NECTIN3: variants seen among roughly 807,000 people sequenced by gnomAD.
NECTIN3 encodes nectin cell adhesion molecule 3, also known as nectin-3.
NECTIN3 carries 8 observed loss-of-function variants against 49.4 expected under a neutral mutation model. The observed-to-expected ratio is 0.16, with a 90% CI of 0.10 to 0.29. The LOEUF (loss-of-function observed/expected upper bound fraction) is 0.29, where lower values mean the gene tolerates loss of function less well. NECTIN3 is among the 10% of genes least tolerant of loss of function. The probability of loss-of-function intolerance (pLI) is 1.00; values close to 1 mark genes in which losing one functional copy is unlikely to be tolerated. For synonymous variants in NECTIN3, 277 were observed against 241.1 expected, an observed-to-expected ratio of 1.15 and a Z score of -1.38; for missense variants, 581 against 654.6, an observed-to-expected ratio of 0.89 and a Z score of 1.23.
At chr3:111,153,899 A>G (rs758584178) in intron 7 of NECTIN3, among the ~76,000 whole-genome samples, 3 of 152,114 alleles carry the variant, frequency 2.0e-5, no homozygotes, top group Non-Finnish European at 4.4e-5. Context: ...TTAATAAAAG[A>G]TGAAAAAAAT....
intron 7 of NECTIN3, among the ~76,000 whole-genome samples, chr3:111,184,486 G>C (rs1425162921): frequency 3.3e-5 from 5 of 152,132 alleles, no homozygotes; most frequent in Non-Finnish European, 7.4e-5. Flanking sequence ...TTCCACGGTA[G>C]AATGATGTAA....
chr3:111,073,844 G>C (rs1016527596), intron 1 of NECTIN3, among the ~76,000 whole-genome samples: 5 of 152,226 alleles, frequency 3.3e-5, no homozygotes, highest in African/African-American at 1.2e-4. Context: ...TAATTTCTTA[G>C]TGGTTGTGAA....
chr3:111,112,510 C>T, intron 2 of NECTIN3, 139 bp downstream of exon 2: 1 of 632,872 alleles, frequency 1.6e-6, no homozygotes, highest in Non-Finnish European at 2.6e-6. Context: ...TTTCAAGATC[C>T]TTCTTAAAAT....
chr3:111,088,658 C>A (rs1347593703), intron 1 of NECTIN3, among the ~76,000 whole-genome samples: 1 of 151,980 alleles, frequency 6.6e-6, no homozygotes, highest in Non-Finnish European at 1.5e-5. Context: ...AAACATTAAA[C>A]CATTATTGTG....
At chr3:111,125,928 C>T (rs2034148253) in intron 4 of NECTIN3, among the ~76,000 whole-genome samples, 1 of 151,734 alleles carries the variant, frequency 6.6e-6, no homozygotes, top group Non-Finnish European at 1.5e-5. Flanking sequence ...TGCTTTTCTC[C>T]CGTTTTATTA....
chr3:111,081,140 GCATGGTGGAGT>G (rs1385793081), intron 1 of NECTIN3, among the ~76,000 whole-genome samples: 9 of 152,098 alleles, frequency 5.9e-5, no homozygotes, highest in Admixed American at 1.3e-4. Flanking sequence ...AATAAGCCAG[GCATGGTGGAGT>G]CCACCTGTAG....
At chr3:111,072,413 C>T (rs1340567021) in intron 1 of NECTIN3, 2 of 1,524,278 alleles carry the variant, frequency 1.3e-6, no homozygotes, top group Admixed American at 2.0e-5. Flanking sequence ...CGCGGGTCGC[C>T]GTGCGGATGG....
downstream of NECTIN3, among the ~76,000 whole-genome samples, chr3:111,138,558 T>A (rs911197724): frequency 7.9e-5 from 12 of 151,638 alleles, no homozygotes; most frequent in Middle Eastern, 3.2e-3. Flanking sequence ...TACAAAAGTT[T>A]TGCCTTGTAT....
In NECTIN3 at chr3:111,133,817, C is replaced by T; in HGVS notation, c.1252C>T (p.Leu418Phe). The part of the protein sequence containing the change: ...SVVGGALFIV[L>F]VSVLAGIFCY... ...AGTGGGTGGGGCTCTCTTCATAGTA[C>T]TTGTAAGTGTTTTGGCTGGAATATT... The change falls in exon 6 of 6, where the codon CTT becomes TTT. Residue 418 changes from leucine (L) to phenylalanine (F), a missense_variant. Physicochemically the swap from Leu to Phe is conservative, Grantham distance 22 (BLOSUM62 0). This residue lies in a region of NECTIN3 where 238 missense variants were observed against 244.9 expected (regional missense o/e 0.97). Transcript: ENST00000485303. 1 of 1,613,916 alleles carries T rather than the reference C, an allele frequency of 6.2e-7. No homozygotes were observed. Among genetic ancestry groups the T allele is most frequent in the Non-Finnish European group, 8.5e-7 (1 of 1,179,868 alleles).
rs147216750 is a variant in NECTIN3 at position 111,174,861 on chromosome 3, T to C, written c.1222-17490T>C. 2.6e-5 allele frequency among the ~76,000 whole-genome samples: 4 copies of C among 152,304 alleles called. No homozygotes were observed. The East Asian group carries it at 7.8e-4, about 30-fold the overall frequency. On this transcript the variant is annotated intron_variant, in intron 7 of 8. Coordinates refer to the NECTIN3 transcript ENST00000493615. ...ACCAGCTCAGTGGACCCTCTGCCTT[T>C]CTGCAAGGGCAGAAGGCCAGTGTGA... is the stretch of plus-strand genomic sequence containing the variant.
chr3:111,143,608 A>G (rs1016482998), intron 5 of NECTIN3, among the ~76,000 whole-genome samples: 3 of 151,980 alleles, frequency 2.0e-5, no homozygotes, highest in Non-Finnish European at 2.9e-5. Flanking sequence ...TTCAAAACCA[A>G]TAGTGCTAGT....
intron 7 of NECTIN3, among the ~76,000 whole-genome samples, chr3:111,182,344 A>G (rs2035642511): frequency 6.6e-6 from 1 of 152,106 alleles, no homozygotes; most frequent in Non-Finnish European, 1.5e-5. Context: ...ACTTAGGTCA[A>G]GTTGGTTGAT....
intron 1 of NECTIN3, chr3:111,193,287 C>T: frequency 6.5e-7 from 1 of 1,535,034 alleles, no homozygotes; most frequent in African/African-American, 1.4e-5. Flanking sequence ...CCTTTACAAT[C>T]AAATGTGCTA....
In NECTIN3 at chr3:111,094,137, T is replaced by C. The variant is rs1576089328; in HGVS notation, c.161-17893T>C. On this transcript the variant is annotated intron_variant, in intron 1 of 5. Transcript: ENST00000485303. ...TTTTTATTTTATATATATTGACTTA[T>C]TTTATATTTACTATACTTTTATTTC... Among the ~76,000 whole-genome samples, 3 of 151,776 alleles carry C rather than the reference T, an allele frequency of 2.0e-5. No individual in the cohort carries two copies. In the South Asian group the frequency reaches 6.2e-4, roughly 31 times the overall value.
chr3:111,118,950 A>G lies in NECTIN3; in HGVS notation c.797A>G (p.Gln266Arg), dbSNP rs755608153. 1.9e-6 allele frequency: 3 copies of G among 1,590,788 alleles called. No individual in the cohort carries two copies. The highest frequency in any genetic ancestry group is 2.3e-5 in the East Asian group (1 of 44,406). The change falls in exon 3 of 6, where the codon CAG (glutamine) becomes CGG (arginine). Residue 266 changes from glutamine to arginine, a missense_variant and splice_region_variant. Physicochemically the swap from Gln to Arg is conservative, Grantham distance 43. Coordinates refer to ENST00000485303, the MANE Select transcript of NECTIN3 (RefSeq NM_015480.3). ...CGATACTCTTTCATATTAGACATACAGTGTAAGTAAATGGTAACATTTACT... is the reference window on the plus strand; with the variant it reads ...CGATACTCTTTCATATTAGACATACGGTGTAAGTAAATGGTAACATTTACT... ...DIRYSFILDI[Q>R]YAPEVSVTGY...
At chr3:111,187,241 T>C (rs897693808) in intron 7 of NECTIN3, among the ~76,000 whole-genome samples, 2 of 152,008 alleles carry the variant, frequency 1.3e-5, no homozygotes, top group Admixed American at 1.3e-4. Context: ...CTACAAAAAA[T>C]AAATTGAAAA....
chr3:111,071,930 C>G lies in NECTIN3; in HGVS notation c.-88C>G. 1.0e-6 allele frequency: 1 copy of G among 965,306 alleles called. No individual in the cohort carries two copies. Among genetic ancestry groups the G allele is most frequent in the Non-Finnish European group, 1.4e-6 (1 of 725,080 alleles). The allele number at this position is 965,306 out of a possible 1,614,324, so 59.8% of individuals were successfully genotyped here. On this transcript the variant is annotated 5_prime_UTR_variant, in exon 1 of 6. Coordinates refer to ENST00000485303, the MANE Select transcript of NECTIN3 (RefSeq NM_015480.3). ...GGAGCTGGGGACGCGCGCGCCGGAC[C>G]TTCCACAGCCTCCGCCCAGAGCCTG...
intron 5 of NECTIN3, among the ~76,000 whole-genome samples, chr3:111,129,336 A>T (rs892599284): frequency 6.6e-6 from 1 of 152,110 alleles, no homozygotes; most frequent in Admixed American, 6.5e-5. Context: ...CCATGTAAAT[A>T]TGTAAAATAT....
At chr3:111,096,697 C>T (rs2032604546) in intron 1 of NECTIN3, among the ~76,000 whole-genome samples, 1 of 152,206 alleles carries the variant, frequency 6.6e-6, no homozygotes, top group African/African-American at 2.4e-5. Flanking sequence ...GGCCAAGGTA[C>T]AGCTCGGGCT....
Sources: gnomAD v4.1 joint callset for allele counts (sites outside exome capture counted in the v4.1 genomes callset) on GRCh38, gnomAD v4.1.1 for gene constraint, gnomAD v4.1.1 regional missense constraint, MANE v1.5 for transcripts, NCBI Gene and HGNC (gene_info 2026-07-23, HGNC 2026-07-21) for gene names.